The following CBL variants were observed in gnomAD, a reference collection of about 807,000 sequenced individuals.
CBL encodes E3 ubiquitin-protein ligase CBL.
Under a neutral mutation model 96.9 loss-of-function variants are expected in CBL, and 45 were observed. That is an observed-to-expected ratio of 0.46 (90% CI 0.37 to 0.60). The LOEUF (loss-of-function observed/expected upper bound fraction) is 0.60. CBL is among the 20% of genes least tolerant of loss of function. The pLI is 0.00. For synonymous variants in CBL, 420 were observed against 426.8 expected (o/e 0.98, Z 0.20); for missense variants, 1,024 against 1,143.5 (o/e 0.90, Z 1.51).
intron 1 of CBL, among the ~76,000 whole-genome samples, chr11:119,229,316 G>A (rs1022587620): frequency 3.3e-5 from 5 of 152,142 alleles, no homozygotes; most frequent in Admixed American, 2.6e-4. Context: ...ATCTTCCGAG[G>A]TGGAGTCTTT....
intron 2 of CBL, among the ~76,000 whole-genome samples, chr11:119,269,665 G>T (rs1949828493): frequency 6.6e-6 from 1 of 152,138 alleles, no homozygotes; most frequent in Non-Finnish European, 1.5e-5. Flanking sequence ...GGATTGTTAG[G>T]CAGTCAGTAA....
chr11:119,247,303 A>G (rs1949639126), intron 2 of CBL, among the ~76,000 whole-genome samples: 1 of 152,216 alleles, frequency 6.6e-6, no homozygotes, highest in Admixed American at 6.5e-5. Context: ...CATCTCATCA[A>G]CGTGGTACTA....
chr11:119,298,261 G>T (rs1250588566), intron 14 of CBL, 97 bp from the exon 15 acceptor site: 5 of 1,034,754 alleles, frequency 4.8e-6, no homozygotes, highest in South Asian at 1.3e-5. Flanking sequence ...TGAGATAAAT[G>T]ATTGCATACA....
chr11:119,275,927 G>C (rs1949886039), intron 5 of CBL, 70 bp from the exon 6 acceptor site: 3 of 1,380,090 alleles, frequency 2.2e-6, no homozygotes, highest in African/African-American at 1.4e-5. Flanking sequence ...ATTTTTGTCT[G>C]TATCTTGCCT....
Position 119,305,006 on chromosome 11 carries a change from G to C in CBL, c.*5225G>C, listed in dbSNP as rs1000756124. The stretch of plus-strand genomic sequence containing the variant: ...TATCTCTGAGCAGTTGGCCTTGCCA[G>C]GGAGAGCAGAGATGTGGCAGGCTCC... On this transcript the variant is annotated 3_prime_UTR_variant, in exon 16 of 16. Transcript: ENST00000264033. The C allele has an allele frequency of 9.4e-6, 2 of 212,364 alleles. No individual in the cohort carries two copies. The highest frequency in any genetic ancestry group is 3.7e-4 in the South Asian group (2 of 5,352). The allele number at this position is 212,364 out of a possible 1,614,324, so 13.2% of individuals were successfully genotyped here.
At chr11:119,286,855 T>C (rs997053798) in intron 11 of CBL, among the ~76,000 whole-genome samples, 1 of 152,186 alleles carries the variant, frequency 6.6e-6, no homozygotes, top group African/African-American at 2.4e-5. Context: ...GGGAGGAAGA[T>C]GGAATATAAA....
intron 2 of CBL, among the ~76,000 whole-genome samples, chr11:119,241,988 A>ATG (rs1456141606): frequency 6.6e-6 from 1 of 152,222 alleles, no homozygotes; most frequent in Non-Finnish European, 1.5e-5. Flanking sequence ...CAGGTGAAGG[A>ATG]TGTGATCCAC....
chr11:119,262,613 A>C (rs1306643640), intron 2 of CBL, among the ~76,000 whole-genome samples: 1 of 152,214 alleles, frequency 6.6e-6, no homozygotes, highest in East Asian at 1.9e-4. Flanking sequence ...AATGTATTGA[A>C]TGCCTGTTAT....
At chr11:119,207,134 A>G (rs776263781) in intron 1 of CBL, among the ~76,000 whole-genome samples, 46 of 152,172 alleles carry the variant, frequency 3.0e-4, no homozygotes, top group Non-Finnish European at 4.6e-4. Flanking sequence ...GCTCTGGGTG[A>G]GAGTATAGTC....
chr11:119,253,017 C>T (rs1189503453), intron 2 of CBL, among the ~76,000 whole-genome samples: 1 of 151,976 alleles, frequency 6.6e-6, no homozygotes, highest in Non-Finnish European at 1.5e-5. Flanking sequence ...CCAGTTGGCA[C>T]ACTTACGTGT....
chr11:119,216,814 G>GT (rs1949365109), intron 1 of CBL, among the ~76,000 whole-genome samples: 1 of 152,106 alleles, frequency 6.6e-6, no homozygotes, highest in Non-Finnish European at 1.5e-5. Flanking sequence ...CTCCCAAGAG[G>GT]TATCTACTGT....
At position 119,217,402 on chromosome 11, in the gene CBL, C is replaced by T. The variant is rs146136778; in HGVS notation, c.195+10790C>T. ...TGCTGGGATTACAGGCGTGAGCTAC[C>T]ACGTGCAGCCCATATTTTTGTTTTT... On this transcript the variant is annotated intron_variant, in intron 1 of 15. Transcript: ENST00000264033. Among the ~76,000 whole-genome samples the T allele has an allele frequency of 1.2e-3, 187 of 152,322 alleles. 2 individuals are homozygous for T. Among genetic ancestry groups the T allele is most frequent in the African/African-American group, 4.2e-3 (173 of 41,578 alleles).
At chr11:119,216,681 T>C (rs116289504) in intron 1 of CBL, among the ~76,000 whole-genome samples, 319 of 152,278 alleles carry the variant, frequency 2.1e-3, no homozygotes, top group African/African-American at 7.5e-3. Flanking sequence ...CTTGGACTTA[T>C]TTTAAACAGC....
At chr11:119,293,580 T>C (rs2135317390) in intron 12 of CBL, among the ~76,000 whole-genome samples, 1 of 152,296 alleles carries the variant, frequency 6.6e-6, no homozygotes, top group East Asian at 1.9e-4. Context: ...GGATTTGTAA[T>C]AGCTCTAGGG....
intron 2 of CBL, among the ~76,000 whole-genome samples, chr11:119,242,188 T>C (rs7120073): frequency 0.28 from 41,973 of 151,842 alleles, 6,253 homozygotes; most frequent in South Asian, 0.59. Context: ...AGGTATGGTG[T>C]AATTCCTGTA....
At chr11:119,211,383 AC>A (rs1949317897) in intron 1 of CBL, among the ~76,000 whole-genome samples, 1 of 152,108 alleles carries the variant, frequency 6.6e-6, no homozygotes, top group African/African-American at 2.4e-5. Flanking sequence ...AAAAACAACA[AC>A]AAAAAATCTT....
chr11:119,254,317 G>A (rs1356800956), intron 2 of CBL, among the ~76,000 whole-genome samples: 1 of 152,202 alleles, frequency 6.6e-6, no homozygotes, highest in Non-Finnish European at 1.5e-5. Context: ...TTTCTTTTAT[G>A]TAAGTGCAAC....
intron 6 of CBL, among the ~76,000 whole-genome samples, chr11:119,277,277 A>C (rs1026560501): frequency 6.6e-6 from 1 of 151,908 alleles, no homozygotes; most frequent in Non-Finnish European, 1.5e-5. Flanking sequence ...ACACATAAAG[A>C]ATTTCTATCT....
chr11:119,259,728 A>C (rs1285491664), intron 2 of CBL, among the ~76,000 whole-genome samples: 2 of 152,196 alleles, frequency 1.3e-5, no homozygotes, highest in Non-Finnish European at 2.9e-5. Context: ...TTGGGTCTCA[A>C]AGAGATGGCA....
Sources: allele counts gnomAD v4.1 joint callset (sites outside exome capture counted in the v4.1 genomes callset), GRCh38; gene constraint gnomAD v4.1.1; transcripts MANE v1.5; gene names NCBI Gene and HGNC (gene_info 2026-07-23, HGNC 2026-07-21).